The following LRP1B variants were observed in gnomAD, a reference collection of about 807,000 sequenced individuals.
The protein encoded by LRP1B is LDL receptor related protein 1B, also known as low-density lipoprotein receptor-related protein 1B.
A neutral mutation model predicts 556.6 loss-of-function variants in LRP1B; 217 were observed. The observed-to-expected ratio is 0.39, with a 90% CI of 0.35 to 0.44. The LOEUF is 0.44. LRP1B is among the 20% of genes least tolerant of loss of function. The pLI is 1.00. For synonymous variants in LRP1B, 2,047 were observed against 1,865.8 expected (o/e 1.10, Z -2.50); for missense variants, 5,053 against 5,620.8 (o/e 0.90, Z 3.23).
intron 1 of LRP1B, among the ~76,000 whole-genome samples, chr2:141,931,598 C>T (rs1355396567): frequency 2.6e-5 from 4 of 151,806 alleles, no homozygotes; most frequent in African/African-American, 9.7e-5. Context: ...TTTTCTATGG[C>T]TAAAAATGTC....
chr2:140,555,526 T>C (rs1303979281), intron 43 of LRP1B, among the ~76,000 whole-genome samples: 1 of 152,090 alleles, frequency 6.6e-6, no homozygotes. Context: ...ACACTTGGCA[T>C]GGCAACACAG....
intron 1 of LRP1B, among the ~76,000 whole-genome samples, chr2:142,018,819 G>C (rs375870611): frequency 6.6e-6 from 1 of 151,700 alleles, no homozygotes; most frequent in Non-Finnish European, 1.5e-5. Context: ...CAGATTTGGA[G>C]CTTTCACTAG....
At chr2:141,432,875 C>CA (rs1680613602) in intron 3 of LRP1B, among the ~76,000 whole-genome samples, 2 of 151,860 alleles carry the variant, frequency 1.3e-5, no homozygotes, top group African/African-American at 4.8e-5. Flanking sequence ...CATTGATCTT[C>CA]TCTCTCTTTT....
chr2:141,066,797 T>C (rs551282473), intron 7 of LRP1B, among the ~76,000 whole-genome samples: 32 of 152,002 alleles, frequency 2.1e-4, no homozygotes, highest in African/African-American at 7.5e-4. Flanking sequence ...ACGACAAGAT[T>C]TTTTTGAAGT....
At chr2:141,969,475 ATTG>A (rs1344076758) in intron 1 of LRP1B, among the ~76,000 whole-genome samples, 1 of 151,400 alleles carries the variant, frequency 6.6e-6, no homozygotes, top group East Asian at 2.0e-4. Context: ...TATTATTTCT[ATTG>A]TTTTAGATTC....
At chr2:141,786,721 T>C (rs1695439547) in intron 2 of LRP1B, among the ~76,000 whole-genome samples, 1 of 151,872 alleles carries the variant, frequency 6.6e-6, no homozygotes, top group Non-Finnish European at 1.5e-5. Flanking sequence ...TTGTTCTTGA[T>C]CAACCAAAAA....
chr2:140,236,258 T>C (rs1680693459), intron 89 of LRP1B, among the ~76,000 whole-genome samples: 1 of 150,966 alleles, frequency 6.6e-6, no homozygotes, highest in African/African-American at 2.4e-5. Flanking sequence ...CCTATTCAGA[T>C]TCTTCAGGAA....
At chr2:141,301,856 A>T (rs1686407851) in intron 3 of LRP1B, among the ~76,000 whole-genome samples, 1 of 152,198 alleles carries the variant, frequency 6.6e-6, no homozygotes, top group Non-Finnish European at 1.5e-5. Flanking sequence ...CTGGTTAAAG[A>T]ATAAATCAGT....
intron 2 of LRP1B, among the ~76,000 whole-genome samples, chr2:141,799,982 T>C (rs575196918): frequency 3.3e-4 from 51 of 152,296 alleles, no homozygotes; most frequent in Non-Finnish European, 5.1e-4. Context: ...ACTCTTATGA[T>C]CATATCCTTT....
At chr2:141,934,922 T>C (rs1700594603) in intron 1 of LRP1B, among the ~76,000 whole-genome samples, 1 of 152,088 alleles carries the variant, frequency 6.6e-6, no homozygotes, top group Admixed American at 6.6e-5. Flanking sequence ...AATACACCCA[T>C]AGATAGAAAG....
At chr2:141,812,978 C>A (rs1258890160) in intron 1 of LRP1B, among the ~76,000 whole-genome samples, 1 of 151,776 alleles carries the variant, frequency 6.6e-6, no homozygotes, top group Non-Finnish European at 1.5e-5. Context: ...TGTCTGTGAG[C>A]CTGCTCATGG....
At chr2:140,902,517 A>C (rs193182090) in intron 23 of LRP1B, among the ~76,000 whole-genome samples, 159 of 152,274 alleles carry the variant, frequency 1.0e-3, no homozygotes, top group Non-Finnish European at 1.9e-3. Context: ...TGTTTTAGAT[A>C]AGTGGTTAGA....
intron 2 of LRP1B, among the ~76,000 whole-genome samples, chr2:141,596,519 TTAA>T (rs1315627493): frequency 6.6e-6 from 1 of 151,986 alleles, no homozygotes; most frequent in African/African-American, 2.4e-5. Flanking sequence ...ACACACATAA[TTAA>T]TAATAATAAT....
At position 140,982,204 on chromosome 2, in the gene LRP1B, C is replaced by T. The variant is rs2105343673; in HGVS notation, c.2843G>A (p.Arg948Lys). ...RCIPRAWLCD[R>K]EDDCGDQTDE... is the part of the protein sequence containing the mutation. ...TGTCTGGTCACCACAGTCGTCTTCC[C>T]TGTCACACAGCCATGCTCTGGGAAT... The change falls in exon 18 of 91, where the codon AGG becomes AAG. Residue 948 changes from arginine (R) to lysine (K), a missense_variant. Arg to Lys is a conservative substitution (Grantham distance 26). Around this residue, in one of 5 missense-constraint regions of LRP1B, gnomAD observed 3,619 missense variants for 3,931.9 expected, o/e 0.92. Coordinates refer to ENST00000389484, the MANE Select transcript of LRP1B (RefSeq NM_018557.3). 1 of 1,613,436 alleles carries T rather than the reference C, an allele frequency of 6.2e-7. No individual in the cohort carries two copies. Among genetic ancestry groups the T allele is most frequent in the Non-Finnish European group, 8.5e-7 (1 of 1,179,576 alleles).
intron 3 of LRP1B, among the ~76,000 whole-genome samples, chr2:141,405,469 AAAT>A (rs1002463742): frequency 9.6e-4 from 146 of 152,240 alleles, no homozygotes; most frequent in Middle Eastern, 3.4e-3. Flanking sequence ...ATATAAAAGG[AAAT>A]AATAATTTAG....
At chr2:140,299,359 T>A (rs916619526) in intron 83 of LRP1B, among the ~76,000 whole-genome samples, 10 of 152,108 alleles carry the variant, frequency 6.6e-5, no homozygotes, top group African/African-American at 2.4e-4. Context: ...TAGAGACTGA[T>A]GCTCTAAATG....
intron 6 of LRP1B, among the ~76,000 whole-genome samples, chr2:141,210,644 A>G (rs1301539820): frequency 6.6e-6 from 1 of 152,198 alleles, no homozygotes; most frequent in Non-Finnish European, 1.5e-5. Flanking sequence ...AGAAATTCCT[A>G]CTTAAAATAT....
intron 23 of LRP1B, among the ~76,000 whole-genome samples, chr2:140,891,062 T>C (rs1693783218): frequency 6.6e-6 from 1 of 152,108 alleles, no homozygotes; most frequent in South Asian, 2.1e-4. Flanking sequence ...CAGCATACTA[T>C]CCTCTTAATA....
chr2:141,131,442 A>G lies in LRP1B; in HGVS notation c.1013+56979T>C, dbSNP rs1429732753. Among the ~76,000 whole-genome samples, 3 of 55,212 alleles carry G rather than the reference A, an allele frequency of 5.4e-5. No homozygotes were observed. In the East Asian group the frequency reaches 1.2e-3, roughly 22 times the overall value. 36.2% of individuals were successfully genotyped at this position (55,212 alleles called of 152,430 possible). ...ATATATATATATATTTGCTCTTAGA[A>G]TTCCCTGTTTTTGTCTCCTTTGATA... On this transcript the variant is annotated intron_variant, in intron 7 of 90. Transcript: ENST00000389484.
Sources: gnomAD v4.1 joint callset for allele counts (sites outside exome capture counted in the v4.1 genomes callset) on GRCh38, gnomAD v4.1.1 for gene constraint, gnomAD v4.1.1 regional missense constraint, MANE v1.5 for transcripts, NCBI Gene and HGNC (gene_info 2026-07-23, HGNC 2026-07-21) for gene names.